Variants in FGF14 observed in about 807,000 individuals in gnomAD.
The protein encoded by FGF14 is fibroblast growth factor 14.
FGF14 carries 5 observed loss-of-function variants against 25.5 expected under a neutral mutation model. The ratio of observed to expected loss-of-function variants is 0.20; its 90% CI spans 0.10 to 0.41. The LOEUF is 0.41. Ranked by LOEUF, FGF14 falls within the 10% of genes least tolerant of loss-of-function variation. The pLI is 1.00. For missense variants in FGF14, 222 were observed against 320.1 expected, an observed-to-expected ratio of 0.69 and a Z score of 2.34; for synonymous variants, 138 against 118.3, an observed-to-expected ratio of 1.17 and a Z score of -1.08.
chr13:102,083,868 C>A (rs184636982), intron 1 of FGF14, among the ~76,000 whole-genome samples: 113 of 152,274 alleles, frequency 7.4e-4, no homozygotes, highest in Admixed American at 1.4e-3. Flanking sequence ...AAATCTAAGG[C>A]AATTGGTCAT....
intron 2 of FGF14, among the ~76,000 whole-genome samples, chr13:101,872,742 TTTTC>T (rs1197414989): frequency 6.6e-6 from 1 of 152,120 alleles, no homozygotes; most frequent in Admixed American, 6.6e-5. Flanking sequence ...TACCCACTGT[TTTTC>T]TTTATTTCTT....
chr13:102,213,269 T>C (rs78261710), intron 1 of FGF14, among the ~76,000 whole-genome samples: 2,730 of 152,318 alleles, frequency 0.018, 79 homozygotes, highest in African/African-American at 0.062. Context: ...AGGAGGACTA[T>C]ATGTTAATAC....
At chr13:102,356,310 T>C (rs981177515) in intron 1 of FGF14, among the ~76,000 whole-genome samples, 3 of 152,218 alleles carry the variant, frequency 2.0e-5, no homozygotes, top group African/African-American at 7.2e-5. Flanking sequence ...ACCATGCAAC[T>C]TTAAACAACA....
At chr13:102,183,992 G>A (rs371195438) in intron 1 of FGF14, among the ~76,000 whole-genome samples, 15 of 152,240 alleles carry the variant, frequency 9.9e-5, no homozygotes, top group East Asian at 9.7e-4. Context: ...GTCCTTCTAG[G>A]AGGTTAAGTA....
chr13:101,839,585 A>T (rs1488755731), intron 3 of FGF14, among the ~76,000 whole-genome samples: 1 of 151,998 alleles, frequency 6.6e-6, no homozygotes, highest in Non-Finnish European at 1.5e-5. Context: ...AGTACAGGAG[A>T]TGTTTTGATA....
intron 1 of FGF14, among the ~76,000 whole-genome samples, chr13:101,950,751 G>GT (rs61285721): frequency 0.33 from 43,904 of 131,646 alleles, 7,919 homozygotes; most frequent in Non-Finnish European, 0.41. Flanking sequence ...ACCTAATCAT[G>GT]TTTTTTTTTT....
chr13:102,249,357 T>C (rs549810425), intron 1 of FGF14, among the ~76,000 whole-genome samples: 1 of 152,112 alleles, frequency 6.6e-6, no homozygotes, highest in East Asian at 1.9e-4. Flanking sequence ...AGAGCACAAG[T>C]GCTAAAAAAA....
intron 1 of FGF14, among the ~76,000 whole-genome samples, chr13:101,944,159 C>T (rs2035657979): frequency 6.6e-6 from 1 of 151,940 alleles, no homozygotes; most frequent in South Asian, 2.1e-4. Context: ...GTTTTATGGC[C>T]AAAGAGGCAT....
chr13:102,264,011 CTTT>C (rs5806287), intron 1 of FGF14, among the ~76,000 whole-genome samples: 1 of 144,274 alleles, frequency 6.9e-6, no homozygotes, highest in Non-Finnish European at 1.5e-5. Flanking sequence ...TTTCTCTTTC[CTTT>C]TTTTTTTTTT....
At chr13:101,917,111 T>G (rs1042348144), upstream of FGF14, among the ~76,000 whole-genome samples, 11 of 151,422 alleles carry the variant, frequency 7.3e-5, no homozygotes, top group Non-Finnish European at 1.0e-4. Flanking sequence ...TGCGCGTCCG[T>G]CGGTCCGGGT....
At chr13:102,327,772 G>A (rs1323276163) in intron 1 of FGF14, among the ~76,000 whole-genome samples, 5 of 151,754 alleles carry the variant, frequency 3.3e-5, no homozygotes, top group African/African-American at 7.3e-5. Flanking sequence ...CTGGGAGGTC[G>A]AGACTGCAGT....
intron 3 of FGF14, among the ~76,000 whole-genome samples, chr13:101,841,549 A>T (rs1324869980): frequency 6.6e-6 from 1 of 152,030 alleles, no homozygotes; most frequent in Non-Finnish European, 1.5e-5. Flanking sequence ...AGTAAACTCA[A>T]ACAAATTCAG....
chr13:101,815,730 C>A (rs921234584), intron 3 of FGF14, among the ~76,000 whole-genome samples: 1 of 151,918 alleles, frequency 6.6e-6, no homozygotes, highest in African/African-American at 2.4e-5. Flanking sequence ...AGATAATACC[C>A]CCCCACCCCA....
intron 1 of FGF14, among the ~76,000 whole-genome samples, chr13:102,112,345 C>T (rs1267828008): frequency 1.3e-5 from 2 of 152,036 alleles, no homozygotes; most frequent in Non-Finnish European, 2.9e-5. Context: ...TCAGGTCCCC[C>T]GCCTTCTCCA....
intron 1 of FGF14, among the ~76,000 whole-genome samples, chr13:102,152,356 T>G (rs2047124197): frequency 6.6e-6 from 1 of 152,156 alleles, no homozygotes; most frequent in Non-Finnish European, 1.5e-5. Context: ...AAATGAGAAG[T>G]TAGAGTCCAA....
intron 1 of FGF14, among the ~76,000 whole-genome samples, chr13:102,269,753 C>T (rs2053156763): frequency 6.6e-6 from 1 of 152,086 alleles, no homozygotes; most frequent in South Asian, 2.1e-4. Context: ...ACCTGTAATC[C>T]CCGCTACTCG....
chr13:101,949,843 C>T (rs1456132297), intron 1 of FGF14, among the ~76,000 whole-genome samples: 1 of 152,178 alleles, frequency 6.6e-6, no homozygotes, highest in East Asian at 1.9e-4. Context: ...CTAAGCCAAC[C>T]ATGGCTAACC....
At position 101,721,223 on chromosome 13, in the gene FGF14, C is replaced by T. The variant is rs886696133; in HGVS notation, c.*1608G>A. 1.4e-4 allele frequency: 22 copies of T among 151,996 alleles called. No individual in the cohort carries two copies. The highest frequency in any genetic ancestry group is 5.1e-4 in the African/African-American group (21 of 41,402). 9.4% of individuals were successfully genotyped at this position (151,996 alleles called of 1,614,324 possible). On this transcript the variant is annotated 3_prime_UTR_variant, in exon 5 of 5. Transcript: ENST00000376143. ...CAGAGTTAACAAATAAATTCCCAAACAGTTTAGTATGAAACATTTTGAACC... is the reference window on the plus strand; with the variant it reads ...CAGAGTTAACAAATAAATTCCCAAATAGTTTAGTATGAAACATTTTGAACC...
At chr13:101,821,649 T>C (rs1183037588) in intron 3 of FGF14, among the ~76,000 whole-genome samples, 1 of 152,238 alleles carries the variant, frequency 6.6e-6, no homozygotes, top group Non-Finnish European at 1.5e-5. Context: ...GCAACTGACA[T>C]GCCAATAGCC....
Sources: allele counts gnomAD v4.1 joint callset (sites outside exome capture counted in the v4.1 genomes callset), GRCh38; gene constraint gnomAD v4.1.1; transcripts MANE v1.5; gene names NCBI Gene and HGNC (gene_info 2026-07-23, HGNC 2026-07-21).